HERC2: variants seen among roughly 807,000 people sequenced by gnomAD.
HERC2 encodes the protein HECT and RLD domain containing E3 ubiquitin protein ligase 2.
Under a neutral mutation model 537.7 loss-of-function variants are expected in HERC2, and 102 were observed. That is an observed-to-expected ratio of 0.19 (90% CI 0.16 to 0.22). The LOEUF is 0.22. HERC2 is among the 10% of genes least tolerant of loss of function. HERC2 has a pLI of 1.00. For missense variants in HERC2, 4,236 were observed against 6,198.2 expected (o/e 0.68, Z 10.63); for synonymous variants, 2,224 against 2,466.2 (o/e 0.90, Z 2.91).
intron 74 of HERC2, 29 bp from the exon 75 acceptor site, chr15:28,142,981 G>C: frequency 6.2e-7 from 1 of 1,604,380 alleles, no homozygotes. Flanking sequence ...GTATTCTATC[G>C]CAGGAATCCA....
chr15:28,240,769 A>G (rs1903023045), intron 23 of HERC2, among the ~76,000 whole-genome samples: 1 of 152,218 alleles, frequency 6.6e-6, no homozygotes. Context: ...GATTTTTGAC[A>G]TGGGAGCCAA....
chr15:28,218,327 C>T (rs1322949292), intron 38 of HERC2, among the ~76,000 whole-genome samples, 162 bp downstream of exon 38: 1 of 151,776 alleles, frequency 6.6e-6, no homozygotes, highest in Admixed American at 6.6e-5. Flanking sequence ...CCGCCAGAAC[C>T]GTGAGAATTT....
At chr15:28,276,177 C>T (rs1319184051) in intron 5 of HERC2, among the ~76,000 whole-genome samples, 13 of 101,494 alleles carry the variant, frequency 1.3e-4, no homozygotes, top group African/African-American at 5.3e-4. Flanking sequence ...CAGAGCAAGA[C>T]TCCATCTCAA....
intron 81 of HERC2, among the ~76,000 whole-genome samples, chr15:28,131,740 G>A (rs1289609552): frequency 2.0e-5 from 3 of 152,110 alleles, no homozygotes; most frequent in African/African-American, 4.8e-5. Flanking sequence ...AGCGCGTGCC[G>A]TGGCAACTCC....
At chr15:28,144,278 G>C (rs779911686) in intron 72 of HERC2, 43 bp from the exon 73 acceptor site, 2 of 1,598,888 alleles carry the variant, frequency 1.3e-6, no homozygotes, top group African/African-American at 1.3e-5. Context: ...TCACAAGCTA[G>C]GTACCACCCC....
intron 65 of HERC2, among the ~76,000 whole-genome samples, chr15:28,171,257 T>C (rs1353255234): frequency 1.3e-5 from 2 of 152,240 alleles, no homozygotes; most frequent in Non-Finnish European, 2.9e-5. Context: ...TGGTTGAGTA[T>C]TCGATGGAAT....
intron 2 of HERC2, among the ~76,000 whole-genome samples, chr15:28,309,511 CT>C (rs2076882120): frequency 6.6e-6 from 1 of 152,140 alleles, no homozygotes; most frequent in African/African-American, 2.4e-5. Context: ...TTACCTCTCC[CT>C]TTTTCCATCC....
At chr15:28,246,334 A>T (rs1903704892) in intron 22 of HERC2, among the ~76,000 whole-genome samples, 1 of 152,208 alleles carries the variant, frequency 6.6e-6, no homozygotes, top group South Asian at 2.1e-4. Context: ...TTAAATGTTT[A>T]TTGATATGTT....
rs765479568 is a variant in HERC2, at chr15:28,215,634, G to C, written c.6197C>G (p.Ser2066Trp). 6.2e-7 allele frequency: 1 copy of C among 1,607,766 alleles called. No homozygotes were observed. Among genetic ancestry groups the C allele is most frequent in the Non-Finnish European group, 8.5e-7 (1 of 1,177,578 alleles). ...GCAGCACATTACCTGCCTCTGCAGC[G>C]AGGTGGCAGTGAAGGGTGCGTGCCC... is the stretch of plus-strand genomic sequence containing the variant. ...VEGHAPFTAT[S>W]LQRQILAVHL... Residue 2066 changes from serine (S) to tryptophan (W), a missense_variant, in exon 39 of 93, where the codon TCG (serine) becomes TGG (tryptophan). By Grantham distance (177) the Ser-to-Trp change is radical. Transcript: ENST00000261609.
At chr15:28,123,030 T>G (rs1889099587) in intron 85 of HERC2, among the ~76,000 whole-genome samples, 1 of 152,228 alleles carries the variant, frequency 6.6e-6, no homozygotes, top group Admixed American at 6.5e-5. Context: ...TTTTTATTAT[T>G]GAACAGTAAT....
intron 68 of HERC2, among the ~76,000 whole-genome samples, chr15:28,165,200 C>T (rs747987274): frequency 6.6e-5 from 10 of 152,062 alleles, no homozygotes; most frequent in East Asian, 1.9e-4. Context: ...CCAGAGGTCA[C>T]GTAGGGTGAC....
chr15:28,301,629 G>C (rs2076626080), intron 2 of HERC2, among the ~76,000 whole-genome samples: 1 of 135,024 alleles, frequency 7.4e-6, no homozygotes, highest in Admixed American at 7.4e-5. Flanking sequence ...AAGCTCCCTT[G>C]TCTGGCAAAA....
At chr15:28,185,407 G>A (rs1292799193) in intron 56 of HERC2, among the ~76,000 whole-genome samples, 1 of 152,068 alleles carries the variant, frequency 6.6e-6, no homozygotes, top group African/African-American at 2.4e-5. Context: ...AAGCGCCTTG[G>A]GAATGTTAAC....
chr15:28,167,985 C>A (rs1201460666), intron 67 of HERC2, among the ~76,000 whole-genome samples, 158 bp from the exon 68 acceptor site: 1 of 152,180 alleles, frequency 6.6e-6, no homozygotes. Flanking sequence ...CAGACATAGC[C>A]ACTACCACCC....
chr15:28,194,113 T>C (rs1897110403), intron 52 of HERC2, among the ~76,000 whole-genome samples: 1 of 150,588 alleles, frequency 6.6e-6, no homozygotes, highest in Non-Finnish European at 1.5e-5. Context: ...CCACCCAGGC[T>C]GGAGTGCAGT....
intron 20 of HERC2, among the ~76,000 whole-genome samples, chr15:28,249,359 G>C (rs570300733): frequency 6.6e-6 from 1 of 152,320 alleles, no homozygotes; most frequent in South Asian, 2.1e-4. Flanking sequence ...CGGCAGCGAA[G>C]AAAGTAGAAG....
intron 16 of HERC2, among the ~76,000 whole-genome samples, chr15:28,257,916 C>A (rs1446810850): frequency 2.0e-5 from 3 of 151,686 alleles, no homozygotes; most frequent in Non-Finnish European, 4.4e-5. Context: ...CATCACCTGA[C>A]CTCATGATCT....
At chr15:28,274,027 G>C (rs151037651) in intron 7 of HERC2, among the ~76,000 whole-genome samples, 2 of 152,114 alleles carry the variant, frequency 1.3e-5, no homozygotes, top group Admixed American at 1.3e-4. Flanking sequence ...AAACCTCTAC[G>C]AATGACTGAT....
intron 48 of HERC2, among the ~76,000 whole-genome samples, chr15:28,201,034 T>A (rs935495412): frequency 6.7e-6 from 1 of 148,166 alleles, no homozygotes; most frequent in African/African-American, 2.5e-5. Context: ...CAGCCATCCC[T>A]GCGCCATGTC....
Sources: allele counts gnomAD v4.1 joint callset (sites outside exome capture counted in the v4.1 genomes callset), GRCh38; gene constraint gnomAD v4.1.1; transcripts MANE v1.5; gene names NCBI Gene and HGNC (gene_info 2026-07-23, HGNC 2026-07-21).